IQCE: variants seen among roughly 807,000 people sequenced by gnomAD.
IQCE encodes the protein IQ domain-containing protein E.
Under a neutral mutation model 96.0 loss-of-function variants are expected in IQCE, and 115 were observed. The observed-to-expected ratio is 1.20, with a 90% CI of 1.03 to 1.40. IQCE has a LOEUF of 1.40. Ranked by LOEUF, IQCE falls within the 40% of genes most tolerant of loss-of-function variation. The pLI, the probability that IQCE is intolerant of heterozygous loss-of-function variation, is 0.00. For synonymous variants in IQCE, 412 were observed against 371.2 expected, an observed-to-expected ratio of 1.11 and a Z score of -1.26; for missense variants, 1,041 against 909.1, an observed-to-expected ratio of 1.15 and a Z score of -1.87.
rs1783731284 is a variant in IQCE at position 2,593,040 on chromosome 7, C to T, written c.1263C>T (p.Leu421=). 1.2e-6 allele frequency: 2 copies of T among 1,608,064 alleles called. No homozygotes were observed. The highest frequency in any genetic ancestry group is 1.3e-5 in the African/African-American group (1 of 74,966). ...TGTGCAGTTTGGAGGTGAAGCAGCT[C>T]CTGCAGGCGAAGGCCGACCTGGAGA... ...LLQRDLEVKQ[L]LQAKADLEKE... The change falls in exon 15 of 22, where the codon CTC becomes CTT. Residue 421 remains leucine (L), a synonymous_variant. Transcript: ENST00000402050.
At chr7:2,570,503 G>T (rs1781683868) in intron 3 of IQCE, among the ~76,000 whole-genome samples, 1 of 151,654 alleles carries the variant, frequency 6.6e-6, no homozygotes, top group Non-Finnish European at 1.5e-5. Flanking sequence ...GATGCAGCAG[G>T]GTCCCTGCGT....
At chr7:2,599,015 CATTTCCCAA>C (rs1784256706) in intron 17 of IQCE, among the ~76,000 whole-genome samples, 1 of 152,330 alleles carries the variant, frequency 6.6e-6, no homozygotes, top group African/African-American at 2.4e-5. Context: ...TTCCTATTCA[CATTTCCCAA>C]ATGTCCCCAT....
At chr7:2,577,102 C>A (rs1782185142) in intron 6 of IQCE, among the ~76,000 whole-genome samples, 1 of 152,228 alleles carries the variant, frequency 6.6e-6, no homozygotes, top group Non-Finnish European at 1.5e-5. Context: ...CACGTGACAT[C>A]CAGATTTCCC....
chr7:2,596,000 G>A (rs1402780588), intron 16 of IQCE, among the ~76,000 whole-genome samples: 1 of 152,248 alleles, frequency 6.6e-6, no homozygotes, highest in African/African-American at 2.4e-5. Context: ...CTTCCAGTGG[G>A]TAGGAGGATC....
chr7:2,566,419 A>C (rs1236288039), intron 1 of IQCE: 4 of 144,770 alleles, frequency 2.8e-5, no homozygotes, highest in African/African-American at 1.0e-4. Context: ...ATGCCTTCTC[A>C]TTGTAATGCA....
At chr7:2,566,065 G>A (rs1232058383) in intron 1 of IQCE, among the ~76,000 whole-genome samples, 7 of 152,156 alleles carry the variant, frequency 4.6e-5, no homozygotes, top group Non-Finnish European at 7.4e-5. Context: ...ATGATACTGC[G>A]TGGACTCAGC....
chr7:2,594,992 A>G lies in IQCE; in HGVS notation c.1440+16A>G. 1 of 1,559,694 alleles carries G rather than the reference A, an allele frequency of 6.4e-7. No homozygotes were observed. Among genetic ancestry groups the G allele is most frequent in the Admixed American group, 1.7e-5 (1 of 59,982 alleles). ...TCCTCATAAGGTACAGTGACCATTCAGTTGAGTCTCCCGTCAGGTGCGGTG... is the reference window on the plus strand; with the variant it reads ...TCCTCATAAGGTACAGTGACCATTCGGTTGAGTCTCCCGTCAGGTGCGGTG... On this transcript the variant is annotated intron_variant, in intron 16 of 21. Transcript: ENST00000402050.
chr7:2,613,375 C>T lies in IQCE; in HGVS notation c.*3213C>T, dbSNP rs2128477095. The T allele has an allele frequency of 6.6e-6, 1 of 152,564 alleles. No individual in the cohort carries two copies. The highest frequency in any genetic ancestry group is 2.4e-5 in the African/African-American group (1 of 41,586). 9.5% of individuals were successfully genotyped at this position (152,564 alleles called of 1,614,324 possible). ...CTCAGCAGAGGCACCAGCTGGAGGGCTCCAGGGACATCCTTGGAGATACAG... is the reference window on the plus strand; with the variant it reads ...CTCAGCAGAGGCACCAGCTGGAGGGTTCCAGGGACATCCTTGGAGATACAG... On this transcript the variant is annotated 3_prime_UTR_variant, in exon 22 of 22. Coordinates refer to ENST00000402050, the MANE Select transcript of IQCE (RefSeq NM_152558.5).
At chr7:2,579,901 G>A (rs546642201) in intron 8 of IQCE, among the ~76,000 whole-genome samples, 219 of 152,124 alleles carry the variant, frequency 1.4e-3, no homozygotes, top group Non-Finnish European at 2.4e-3. Context: ...ACAGGCACGT[G>A]CCACCACAGG....
At position 2,573,585 on chromosome 7, in the gene IQCE, T is replaced by C. The variant is rs576200514; in HGVS notation, c.465+97T>C. On this transcript the variant is annotated intron_variant, in intron 6 of 21. Transcript: ENST00000402050. Reference sequence around the variant, plus strand: ...GTGCCTGTGCTGGGAGGTGCCCAGATGGGAAGAGCGGGAGCGTTAGGGTCG... The same window carrying C: ...GTGCCTGTGCTGGGAGGTGCCCAGACGGGAAGAGCGGGAGCGTTAGGGTCG... 3 of 691,132 alleles carry C rather than the reference T, an allele frequency of 4.3e-6. No homozygotes were observed. In the Admixed American group the frequency reaches 8.0e-5, roughly 19 times the overall value. 42.8% of individuals were successfully genotyped at this position (691,132 alleles called of 1,614,324 possible).
chr7:2,582,624 G>A lies in IQCE; in HGVS notation c.675G>A (p.Gln225=). The A allele has an allele frequency of 2.5e-6, 4 of 1,614,066 alleles. No homozygotes were observed. In the South Asian group the frequency reaches 3.3e-5, roughly 13 times the overall value. Residue 225 remains glutamine, a synonymous_variant, in exon 9 of 22, where the codon CAG becomes CAA. Coordinates refer to ENST00000402050, the MANE Select transcript of IQCE (RefSeq NM_152558.5). The stretch of plus-strand genomic sequence containing the variant: ...AGAGGATCCTGAAGCTGGAACAGCA[G>A]TGCAAGGAGAAGGACGGCACCATCA... ...LKQRILKLEQ[Q]CKEKDGTISK...
chr7:2,583,764 C>T (rs1345049082), intron 10 of IQCE, 55 bp downstream of exon 10: 4 of 245,096 alleles, frequency 1.6e-5, no homozygotes, highest in East Asian at 1.5e-4. Flanking sequence ...GGCGGCGGGG[C>T]GGAGGGCGGG....
rs369008987 is a variant in IQCE at position 2,610,287 on chromosome 7, G to A, written c.*125G>A. 2.9e-5 allele frequency: 20 copies of A among 685,500 alleles called. No individual in the cohort carries two copies. The highest frequency in any genetic ancestry group is 1.0e-4 in the East Asian group (4 of 38,628). The allele number at this position is 685,500 out of a possible 1,614,324, so 42.5% of individuals were successfully genotyped here. Reference sequence around the variant, plus strand: ...ACCTACTTAACACCTCAGCATCTGCGTCGTGTCTCTTTGTGCTTTTGTTTG... The same window carrying A: ...ACCTACTTAACACCTCAGCATCTGCATCGTGTCTCTTTGTGCTTTTGTTTG... On this transcript the variant is annotated 3_prime_UTR_variant, in exon 22 of 22. Coordinates refer to ENST00000402050, the MANE Select transcript of IQCE (RefSeq NM_152558.5).
At chr7:2,576,647 C>A (rs1349745713) in intron 6 of IQCE, among the ~76,000 whole-genome samples, 1 of 152,162 alleles carries the variant, frequency 6.6e-6, no homozygotes, top group African/African-American at 2.4e-5. Flanking sequence ...GATCCACCCA[C>A]CTCGGCCTCT....
At position 2,559,029 on chromosome 7, in the gene IQCE, G is replaced by A. The variant is rs1043471619; in HGVS notation, c.-153G>A. ...GGAACGCAGGTCGCTTACCCGGCTG[G>A]GTAGGTCGGCGGCCTGGTTGCCATG... On this transcript the variant is annotated 5_prime_UTR_variant, in exon 1 of 22. Coordinates refer to ENST00000402050, the MANE Select transcript of IQCE (RefSeq NM_152558.5). The A allele has an allele frequency of 7.9e-6, 3 of 377,882 alleles. No homozygotes were observed. Among genetic ancestry groups the A allele is most frequent in the East Asian group, 8.6e-5 (2 of 23,316 alleles). The allele number at this position is 377,882 out of a possible 1,614,324, so 23.4% of individuals were successfully genotyped here. A position where few individuals can be genotyped will look rare whatever the true frequency, so the allele number is the denominator to read the frequency against.
chr7:2,606,122 C>T (rs1214747229), intron 20 of IQCE, 125 bp downstream of exon 20: 29 of 1,202,712 alleles, frequency 2.4e-5, no homozygotes, highest in East Asian at 2.4e-4. Flanking sequence ...CGCCTGCCAG[C>T]GGGACCTCGG....
At chr7:2,563,374 G>GT (rs199527869) in intron 1 of IQCE, among the ~76,000 whole-genome samples, 2 of 106,606 alleles carry the variant, frequency 1.9e-5, no homozygotes, top group Non-Finnish European at 3.8e-5. Context: ...TTAATTTTTT[G>GT]TTGTGTGTGT....
intron 16 of IQCE, among the ~76,000 whole-genome samples, chr7:2,597,407 C>T (rs1283587314): frequency 6.6e-6 from 1 of 152,258 alleles, no homozygotes; most frequent in Non-Finnish European, 1.5e-5. Context: ...CCCCAGATGC[C>T]CAAGCATCGT....
intron 13 of IQCE, among the ~76,000 whole-genome samples, chr7:2,588,974 G>A (rs1231689030): frequency 1.3e-5 from 2 of 152,090 alleles, no homozygotes; most frequent in Non-Finnish European, 2.9e-5. Flanking sequence ...CTGGACCTTT[G>A]TATTTTAAAT....
Sources: allele counts gnomAD v4.1 joint callset (sites outside exome capture counted in the v4.1 genomes callset), GRCh38; gene constraint gnomAD v4.1.1; transcripts MANE v1.5; gene names NCBI Gene and HGNC (gene_info 2026-07-23, HGNC 2026-07-21).